Variants in SPTLC1 observed in about 807,000 individuals in gnomAD.
SPTLC1 encodes the protein serine palmitoyltransferase 1.
A neutral mutation model predicts 68.9 loss-of-function variants in SPTLC1; 55 were observed. The observed-to-expected ratio is 0.80, with a 90% CI of 0.64 to 1.00. SPTLC1 has a LOEUF of 1.00. Among genes scored for constraint, SPTLC1 ranks in the 50% least tolerant of loss-of-function variants. The probability of loss-of-function intolerance (pLI) is 0.00; values close to 1 mark genes in which losing one functional copy is unlikely to be tolerated. For missense variants in SPTLC1, 449 were observed against 573.1 expected, an observed-to-expected ratio of 0.78 and a Z score of 2.21; for synonymous variants, 197 against 201.6, an observed-to-expected ratio of 0.98 and a Z score of 0.19.
At chr9:92,038,156 A>G in intron 13 of SPTLC1, 92 bp downstream of exon 13, 2 of 880,236 alleles carry the variant, frequency 2.3e-6, no homozygotes, top group South Asian at 2.6e-5. Flanking sequence ...CTCAGGGCAA[A>G]GAGACTTTTC....
chr9:92,055,395 G>A lies in SPTLC1; in HGVS notation c.780+10C>T, dbSNP rs1833852308. 1 of 1,612,730 alleles carries A rather than the reference G, an allele frequency of 6.2e-7. No individual in the cohort carries two copies. Among genetic ancestry groups the A allele is most frequent in the Non-Finnish European group, 8.5e-7 (1 of 1,180,012 alleles). On this transcript the variant is annotated intron_variant, in intron 8 of 14. Transcript: ENST00000262554. Reference sequence around the variant, plus strand: ...AAATATTAAAATTACAGCTGAACATGGTTGCTTACCAATTCTGGAAGAGGA... The same window carrying A: ...AAATATTAAAATTACAGCTGAACATAGTTGCTTACCAATTCTGGAAGAGGA...
At chr9:92,039,525 T>C (rs1232435801) in intron 12 of SPTLC1, among the ~76,000 whole-genome samples, 2 of 152,222 alleles carry the variant, frequency 1.3e-5, no homozygotes, top group Non-Finnish European at 2.9e-5. Context: ...ATTTAAAGTC[T>C]ATTTTATCCT....
chr9:92,090,385 G>T (rs897623400), intron 3 of SPTLC1, among the ~76,000 whole-genome samples: 5 of 152,178 alleles, frequency 3.3e-5, no homozygotes, highest in African/African-American at 1.2e-4. Flanking sequence ...AAAGCAGGGG[G>T]ATCACTTGAG....
chr9:92,045,974 T>C (rs1833499898), intron 12 of SPTLC1, 25 bp downstream of exon 12: 21 of 1,603,430 alleles, frequency 1.3e-5, no homozygotes, highest in South Asian at 2.2e-5. Flanking sequence ...AAACTTTATG[T>C]TGGTTGAAAA....
intron 8 of SPTLC1, among the ~76,000 whole-genome samples, chr9:92,051,809 TAGC>T (rs1833713426): frequency 6.6e-6 from 1 of 152,186 alleles, no homozygotes. Flanking sequence ...TTTCTATAAA[TAGC>T]AGTAAACAAT....
chr9:92,079,415 T>C (rs1166200986), intron 5 of SPTLC1: 34 of 1,561,640 alleles, frequency 2.2e-5, no homozygotes, highest in Non-Finnish European at 2.8e-5. Context: ...GCAAAGAATA[T>C]ACACTTAATA....
chr9:92,064,681 T>C (rs1339940599), intron 6 of SPTLC1, among the ~76,000 whole-genome samples: 1 of 152,206 alleles, frequency 6.6e-6, no homozygotes, highest in Non-Finnish European at 1.5e-5. Context: ...TTTTTTTTTA[T>C]AACAGCACAA....
chr9:92,045,952 T>G, intron 12 of SPTLC1, 47 bp downstream of exon 12: 1 of 1,529,394 alleles, frequency 6.5e-7, no homozygotes, highest in South Asian at 1.1e-5. Context: ...AGTTGTTAAG[T>G]GTGGTGCAGA....
At chr9:92,059,151 T>G in intron 7 of SPTLC1, 28 bp downstream of exon 7, 1 of 1,609,664 alleles carries the variant, frequency 6.2e-7, no homozygotes, top group East Asian at 2.2e-5. Flanking sequence ...ACAAAAGAAC[T>G]GTATAATTTT....
intron 8 of SPTLC1, chr9:92,055,044 G>A (rs1015311295): frequency 1.2e-5 from 2 of 167,622 alleles, no homozygotes; most frequent in Admixed American, 6.5e-5. Flanking sequence ...GGGTAACGCA[G>A]TGAGACCCCT....
chr9:92,083,091 GT>G (rs1031497763), intron 3 of SPTLC1, among the ~76,000 whole-genome samples: 12 of 151,006 alleles, frequency 7.9e-5, no homozygotes, highest in African/African-American at 2.9e-4. Flanking sequence ...GGGATTGTTT[GT>G]TTTTTTCTTG....
chr9:92,074,199 C>T (rs559982600), intron 5 of SPTLC1, among the ~76,000 whole-genome samples: 201 of 152,156 alleles, frequency 1.3e-3, no homozygotes, highest in African/African-American at 4.6e-3. Context: ...ACGGGGGCTA[C>T]CCACTCCACG....
chr9:92,045,753 C>G (rs80237520), intron 12 of SPTLC1, among the ~76,000 whole-genome samples: 2,047 of 152,146 alleles, frequency 0.013, 54 homozygotes, highest in African/African-American at 0.046. Context: ...TTTCATCTTT[C>G]TATCTTCTGT....
chr9:92,041,653 C>T (rs1253299379), intron 12 of SPTLC1, among the ~76,000 whole-genome samples: 1 of 152,086 alleles, frequency 6.6e-6, no homozygotes, highest in African/African-American at 2.4e-5. Context: ...AACACTGACT[C>T]CTATGTTACG....
intron 1 of SPTLC1, among the ~76,000 whole-genome samples, chr9:92,114,250 A>G (rs1368511840): frequency 2.6e-5 from 4 of 152,196 alleles, no homozygotes; most frequent in Non-Finnish European, 4.4e-5. Context: ...CCTGGGCGAC[A>G]GAGTGAAACC....
At chr9:92,103,450 T>C (rs1258583063) in intron 3 of SPTLC1, among the ~76,000 whole-genome samples, 1 of 152,206 alleles carries the variant, frequency 6.6e-6, no homozygotes, top group Non-Finnish European at 1.5e-5. Context: ...GCTGTATCCA[T>C]GATCATGAGG....
intron 5 of SPTLC1, among the ~76,000 whole-genome samples, chr9:92,070,529 C>G (rs1267960517): frequency 1.3e-5 from 2 of 152,204 alleles, no homozygotes; most frequent in Admixed American, 1.3e-4. Flanking sequence ...TCACAGCCCT[C>G]AGCACTTTCT....
At chr9:92,046,143 C>T (rs1194741694) in intron 11 of SPTLC1, 90 bp from the exon 12 acceptor site, 1 of 1,088,644 alleles carries the variant, frequency 9.2e-7, no homozygotes, top group Non-Finnish European at 1.4e-6. Context: ...TCAAGTTCAT[C>T]AATTTAAAAT....
intron 6 of SPTLC1, among the ~76,000 whole-genome samples, chr9:92,064,440 TA>T (rs1355837409): frequency 7.2e-5 from 11 of 152,202 alleles, no homozygotes; most frequent in Non-Finnish European, 1.2e-4. Flanking sequence ...TCAGACTGGC[TA>T]AAAAAGTAGT....
Sources: allele counts gnomAD v4.1 joint callset (sites outside exome capture counted in the v4.1 genomes callset), GRCh38; gene constraint gnomAD v4.1.1; transcripts MANE v1.5; gene names NCBI Gene and HGNC (gene_info 2026-07-23, HGNC 2026-07-21).